The following DLG2 variants were observed in gnomAD, a reference collection of about 807,000 sequenced individuals.
DLG2 encodes the protein discs large MAGUK scaffold protein 2.
DLG2 carries 45 observed loss-of-function variants against 132.5 expected under a neutral mutation model. That is an observed-to-expected ratio of 0.34 (90% CI 0.27 to 0.44). The LOEUF (loss-of-function observed/expected upper bound fraction) is 0.44. Ranked by LOEUF, DLG2 falls within the 20% of genes least tolerant of loss-of-function variation. The probability of loss-of-function intolerance (pLI) is 1.00; values close to 1 mark genes in which losing one functional copy is unlikely to be tolerated. For missense variants in DLG2, 1,045 were observed against 1,196.9 expected (o/e 0.87, Z 1.87); for synonymous variants, 424 against 419.6 (o/e 1.01, Z -0.13).
In DLG2 at chr11:84,928,016, T is replaced by C. The variant is rs578165034; in HGVS notation, c.357+183645A>G. On this transcript the variant is annotated intron_variant, in intron 6 of 27. Coordinates refer to ENST00000376104, the MANE Select transcript of DLG2 (RefSeq NM_001142699.3). ...ACTGCTCTGAAGAAAGAGAGGAAAA[T>C]TGATGGCTTTGGCTCTCACAAAAAA... Among the ~76,000 whole-genome samples the C allele has an allele frequency of 9.6e-4, 146 of 151,980 alleles. No homozygotes were observed. In the Middle Eastern group the frequency reaches 0.01, roughly 11 times the overall value.
At chr11:85,273,216 AC>A (rs1383298853) in intron 4 of DLG2, among the ~76,000 whole-genome samples, 1 of 152,154 alleles carries the variant, frequency 6.6e-6, no homozygotes, top group Non-Finnish European at 1.5e-5. Context: ...TGACTAAAAC[AC>A]CAAAAGCAAT....
intron 15 of DLG2, among the ~76,000 whole-genome samples, chr11:83,912,784 A>C (rs1225999103): frequency 6.6e-6 from 1 of 152,104 alleles, no homozygotes; most frequent in East Asian, 1.9e-4. Context: ...GCCAGCAGAA[A>C]TTTGGCCATG....
At chr11:84,215,577 C>T (rs2096825470) in intron 8 of DLG2, among the ~76,000 whole-genome samples, 1 of 152,050 alleles carries the variant, frequency 6.6e-6, no homozygotes, top group Non-Finnish European at 1.5e-5. Flanking sequence ...TGCCTAACTT[C>T]AAAGGAGCTA....
intron 5 of DLG2, among the ~76,000 whole-genome samples, chr11:85,113,792 A>G (rs2073143371): frequency 6.6e-6 from 1 of 151,958 alleles, no homozygotes; most frequent in Non-Finnish European, 1.5e-5. Context: ...ATCTACCCAA[A>G]GATCTTTCCC....
Position 85,510,203 on chromosome 11 carries a change from T to C in DLG2, c.40+88454A>G, listed in dbSNP as rs369567876. On this transcript the variant is annotated intron_variant, in intron 3 of 27. Coordinates refer to ENST00000376104, the MANE Select transcript of DLG2 (RefSeq NM_001142699.3). ...GGCCAGTCTGGCTAGAAGTGATTGG[T>C]TAAGAAAAGAATCATACAATATGAG... Among the ~76,000 whole-genome samples, 205 of 152,024 alleles carry C rather than the reference T, an allele frequency of 1.3e-3. 1 individual carries two copies. Among genetic ancestry groups the C allele is most frequent in the African/African-American group, 4.9e-3 (203 of 41,516 alleles).
intron 6 of DLG2, among the ~76,000 whole-genome samples, chr11:84,750,341 T>C (rs553172457): frequency 5.9e-5 from 9 of 152,268 alleles, no homozygotes; most frequent in Non-Finnish European, 1.5e-5. Flanking sequence ...ATTTATTTAA[T>C]CAAACTGATT....
At chr11:83,978,493 T>C (rs369532303) in intron 12 of DLG2, among the ~76,000 whole-genome samples, 10 of 152,268 alleles carry the variant, frequency 6.6e-5, no homozygotes, top group African/African-American at 1.9e-4. Context: ...TCAGGTCTTA[T>C]ACCTTAATGA....
chr11:85,405,504 G>A (rs1322547784), intron 3 of DLG2, among the ~76,000 whole-genome samples: 2 of 151,938 alleles, frequency 1.3e-5, no homozygotes, highest in Admixed American at 1.3e-4. Context: ...GCACACACAT[G>A]TATTTTCTGT....
rs143299564 is a variant in DLG2, at chr11:84,780,476, T to C, written c.358-245745A>G. Among the ~76,000 whole-genome samples, 460 of 152,224 alleles carry C rather than the reference T, an allele frequency of 3.0e-3. 3 individuals are homozygous for C. Among genetic ancestry groups the C allele is most frequent in the Non-Finnish European group, 4.4e-3 (297 of 67,976 alleles). Reference sequence around the variant, plus strand: ...TCCTGTAAGAACTGGAACAAAGATATATTTCTCAGATTGCTGGATTTATGG... The same window carrying C: ...TCCTGTAAGAACTGGAACAAAGATACATTTCTCAGATTGCTGGATTTATGG... On this transcript the variant is annotated intron_variant, in intron 6 of 27. Transcript: ENST00000376104.
chr11:85,268,611 T>TG (rs2077354062), intron 4 of DLG2, among the ~76,000 whole-genome samples: 1 of 152,224 alleles, frequency 6.6e-6, no homozygotes, highest in Admixed American at 6.5e-5. Flanking sequence ...TTCACATGGG[T>TG]AAAGCTCTAG....
chr11:85,113,138 T>C (rs1724550555), intron 5 of DLG2, among the ~76,000 whole-genome samples: 1 of 152,008 alleles, frequency 6.6e-6, no homozygotes, highest in African/African-American at 2.4e-5. Context: ...AAATATGATA[T>C]GCAGCAGCAG....
intron 3 of DLG2, among the ~76,000 whole-genome samples, chr11:85,487,603 T>C (rs1384584524): frequency 6.6e-6 from 1 of 151,818 alleles, no homozygotes; most frequent in Admixed American, 6.6e-5. Context: ...TGAAGACAGG[T>C]ATTTTGAAAT....
intron 8 of DLG2, among the ~76,000 whole-genome samples, chr11:84,230,194 G>T (rs1389031497): frequency 1.3e-5 from 2 of 152,116 alleles, no homozygotes; most frequent in Non-Finnish European, 2.9e-5. Context: ...TTTTCATTAA[G>T]AAAGAAGAAC....
Position 84,536,450 on chromosome 11 carries a change from G to A in DLG2, c.358-1719C>T, listed in dbSNP as rs543286169. ...TCACTGAGAATACACGACACAATGAGGTTAGAACATTTCTGTGAACTGCAA... is the reference window on the plus strand; with the variant it reads ...TCACTGAGAATACACGACACAATGAAGTTAGAACATTTCTGTGAACTGCAA... On this transcript the variant is annotated intron_variant, in intron 6 of 27. Transcript: ENST00000376104. Among the ~76,000 whole-genome samples, 17 of 152,214 alleles carry A rather than the reference G, an allele frequency of 1.1e-4. 1 individual carries two copies. In the South Asian group the frequency reaches 3.1e-3, roughly 28 times the overall value.
chr11:84,757,298 A>T (rs1181168628), intron 6 of DLG2, among the ~76,000 whole-genome samples: 1 of 146,222 alleles, frequency 6.8e-6, no homozygotes, highest in African/African-American at 2.6e-5. Flanking sequence ...TCTTTTGTTA[A>T]AAAAAAAAAG....
chr11:84,039,308 C>T (rs1383673866), intron 11 of DLG2, among the ~76,000 whole-genome samples: 28 of 149,424 alleles, frequency 1.9e-4, no homozygotes, highest in South Asian at 1.5e-3. Flanking sequence ...CATGTTGGTG[C>T]GCTGCACCCA....
At chr11:84,558,484 C>G (rs766340047) in intron 6 of DLG2, among the ~76,000 whole-genome samples, 9 of 151,922 alleles carry the variant, frequency 5.9e-5, no homozygotes, top group Non-Finnish European at 1.3e-4. Context: ...ACCTTTTTTT[C>G]TTAAATAAAA....
At chr11:83,752,972 A>G (rs1056948943) in intron 18 of DLG2, among the ~76,000 whole-genome samples, 3 of 152,222 alleles carry the variant, frequency 2.0e-5, no homozygotes, top group Non-Finnish European at 4.4e-5. Flanking sequence ...TGTTGCTGAA[A>G]GTTTAAGGTA....
chr11:83,885,233 A>G (rs1206517708), intron 15 of DLG2, among the ~76,000 whole-genome samples: 10 of 152,228 alleles, frequency 6.6e-5, no homozygotes, highest in African/African-American at 2.4e-5. Context: ...TAGAATAACC[A>G]ATACAGAGAA....
Sources: gnomAD v4.1 joint callset for allele counts (sites outside exome capture counted in the v4.1 genomes callset) on GRCh38, gnomAD v4.1.1 for gene constraint, MANE v1.5 for transcripts, NCBI Gene and HGNC (gene_info 2026-07-23, HGNC 2026-07-21) for gene names.